Variants in FIG4 observed in about 807,000 individuals in gnomAD.
FIG4 encodes the protein polyphosphoinositide phosphatase.
Under a neutral mutation model 118.6 loss-of-function variants are expected in FIG4, and 112 were observed. The observed-to-expected ratio is 0.94, with a 90% confidence interval of 0.81 to 1.11. FIG4 has a LOEUF of 1.11. Among genes scored for constraint, FIG4 ranks in the 50% least tolerant of loss-of-function variants. FIG4 has a pLI of 0.00. For synonymous variants in FIG4, 369 were observed against 381.2 expected (o/e 0.97, Z 0.37); for missense variants, 969 against 1,111.7 (o/e 0.87, Z 1.83).
At chr6:109,735,364 T>G (rs1234994560) in intron 6 of FIG4, 66 bp downstream of exon 6, 1 of 1,433,618 alleles carries the variant, frequency 7.0e-7, no homozygotes, top group Non-Finnish European at 9.8e-7. Context: ...CTTATTAAAT[T>G]CACTCACATT....
intron 3 of FIG4, among the ~76,000 whole-genome samples, chr6:109,725,267 C>T (rs959649110): frequency 1.4e-4 from 21 of 152,008 alleles, no homozygotes; most frequent in Admixed American, 1.3e-3. Context: ...CCCCACCCCT[C>T]GACAGGCCCT....
chr6:109,696,738 G>A (rs1408199176), intron 1 of FIG4, among the ~76,000 whole-genome samples: 1 of 152,118 alleles, frequency 6.6e-6, no homozygotes, highest in Non-Finnish European at 1.5e-5. Flanking sequence ...AGGGTAGGAA[G>A]GGTAGGAAAG....
intron 1 of FIG4, among the ~76,000 whole-genome samples, chr6:109,713,676 A>G (rs1775340606): frequency 6.6e-6 from 1 of 152,162 alleles, no homozygotes; most frequent in Admixed American, 6.5e-5. Flanking sequence ...CCACCTGCGC[A>G]CACACATGTT....
intron 22 of FIG4, among the ~76,000 whole-genome samples, chr6:109,816,750 TAGAA>T (rs1320629958): frequency 4.6e-5 from 7 of 152,280 alleles, no homozygotes; most frequent in African/African-American, 1.7e-4. Flanking sequence ...AAAAGTTTAT[TAGAA>T]AGAAGATGGA....
At chr6:109,812,343 G>A (rs1184941926) in intron 22 of FIG4, among the ~76,000 whole-genome samples, 1 of 152,186 alleles carries the variant, frequency 6.6e-6, no homozygotes, top group Non-Finnish European at 1.5e-5. Flanking sequence ...GTGGGATGGA[G>A]TGAGGCATAG....
chr6:109,767,281 T>C (rs1243750577), intron 15 of FIG4, among the ~76,000 whole-genome samples: 1 of 152,212 alleles, frequency 6.6e-6, no homozygotes, highest in East Asian at 1.9e-4. Flanking sequence ...TCACTGAATT[T>C]TTAAAATGTC....
chr6:109,750,827 C>T lies in FIG4; in HGVS notation c.1137+7055C>T, dbSNP rs528142044. Among the ~76,000 whole-genome samples, 3 of 152,248 alleles carry T rather than the reference C, an allele frequency of 2.0e-5. No homozygotes were observed. In the South Asian group the frequency reaches 6.2e-4, roughly 32 times the overall value. ...GGTTGCTCAAACAACATTTCCTCTC[C>T]ATCCCACGAAATGTCAGATTTGATA... On this transcript the variant is annotated intron_variant, in intron 10 of 22. Transcript: ENST00000230124.
chr6:109,770,305 TAAG>T (rs1194835159), intron 15 of FIG4, among the ~76,000 whole-genome samples: 2 of 152,104 alleles, frequency 1.3e-5, no homozygotes, highest in Admixed American at 6.5e-5. Context: ...AAAAAAAAGA[TAAG>T]AAACCTACAG....
intron 15 of FIG4, among the ~76,000 whole-genome samples, chr6:109,770,860 G>C (rs765459366): frequency 6.6e-6 from 1 of 152,124 alleles, no homozygotes; most frequent in Non-Finnish European, 1.5e-5. Context: ...CGATATCACA[G>C]GGTCAGGGTT....
chr6:109,743,431 A>C (rs1469358527), intron 9 of FIG4, 159 bp downstream of exon 9: 2 of 711,508 alleles, frequency 2.8e-6, no homozygotes, highest in Non-Finnish European at 4.7e-6. Context: ...TTATGTAATA[A>C]ATTTATGTTT....
chr6:109,757,031 T>C (rs1457600914), intron 10 of FIG4, among the ~76,000 whole-genome samples: 3 of 152,190 alleles, frequency 2.0e-5, no homozygotes, highest in Non-Finnish European at 4.4e-5. Flanking sequence ...TCTGCGTCGC[T>C]CACGCTGGGA....
chr6:109,757,034 C>T (rs1260305934), intron 10 of FIG4, among the ~76,000 whole-genome samples: 1 of 152,168 alleles, frequency 6.6e-6, no homozygotes, highest in African/African-American at 2.4e-5. Flanking sequence ...GCGTCGCTCA[C>T]GCTGGGAGCT....
At chr6:109,794,756 T>C (rs939132763) in intron 21 of FIG4, among the ~76,000 whole-genome samples, 6 of 152,222 alleles carry the variant, frequency 3.9e-5, no homozygotes, top group African/African-American at 1.4e-4. Context: ...GTTGGCTGGC[T>C]ATGTTTGTGC....
chr6:109,804,974 G>T (rs1778522762), intron 22 of FIG4, among the ~76,000 whole-genome samples: 1 of 152,144 alleles, frequency 6.6e-6, no homozygotes, highest in Non-Finnish European at 1.5e-5. Flanking sequence ...ACCTCTTTTA[G>T]GAATTTTATG....
Position 109,744,486 on chromosome 6 carries a change from G to C in FIG4, c.1137+714G>C, listed in dbSNP as rs550685405. 2.0e-5 allele frequency among the ~76,000 whole-genome samples: 3 copies of C among 151,926 alleles called. No homozygotes were observed. In the South Asian group the frequency reaches 6.3e-4, roughly 32 times the overall value. ...ATACCCTGAGAGTATGAAAAGCAAG[G>C]GTGTTGTTATGTTATGTGCTCTTGG... On this transcript the variant is annotated intron_variant, in intron 10 of 22. Transcript: ENST00000230124.
intron 10 of FIG4, among the ~76,000 whole-genome samples, chr6:109,746,045 A>T (rs1328524536): frequency 6.6e-6 from 1 of 152,180 alleles, no homozygotes; most frequent in African/African-American, 2.4e-5. Context: ...ACCAAAATAG[A>T]TATATAGACC....
intron 8 of FIG4, 89 bp from the exon 9 acceptor site, chr6:109,743,021 A>G (rs2128386934): frequency 8.6e-7 from 1 of 1,157,556 alleles, no homozygotes; most frequent in South Asian, 1.3e-5. Flanking sequence ...AACTTCATTG[A>G]AAGAATAGGA....
chr6:109,751,735 G>A (rs899913329), intron 10 of FIG4, among the ~76,000 whole-genome samples: 7 of 149,854 alleles, frequency 4.7e-5, no homozygotes, highest in African/African-American at 1.7e-4. Flanking sequence ...GTGGTATTTT[G>A]TATTTCTGTG....
chr6:109,773,993 G>C (rs747005324), intron 15 of FIG4, among the ~76,000 whole-genome samples: 1 of 151,848 alleles, frequency 6.6e-6, no homozygotes, highest in Non-Finnish European at 1.5e-5. Context: ...TATTATTTTT[G>C]TAGAGACAGA....
Sources: gnomAD v4.1 joint callset for allele counts (sites outside exome capture counted in the v4.1 genomes callset) on GRCh38, gnomAD v4.1.1 for gene constraint, MANE v1.5 for transcripts, NCBI Gene and HGNC (gene_info 2026-07-23, HGNC 2026-07-21) for gene names.